Variants in DLG1 observed in about 807,000 individuals in gnomAD.
DLG1 encodes disks large homolog 1.
DLG1 carries 42 observed loss-of-function variants against 123.4 expected under a neutral mutation model. The observed-to-expected ratio is 0.34, with a 90% CI of 0.27 to 0.44. The LOEUF (loss-of-function observed/expected upper bound fraction) is 0.44, where lower values mean the gene tolerates loss of function less well. Among genes scored for constraint, DLG1 ranks in the 20% least tolerant of loss-of-function variants. The probability of loss-of-function intolerance (pLI) is 1.00; values close to 1 mark genes in which losing one functional copy is unlikely to be tolerated. For missense variants in DLG1, 942 were observed against 1,082.6 expected, an observed-to-expected ratio of 0.87 and a Z score of 1.82; for synonymous variants, 317 against 356.2, an observed-to-expected ratio of 0.89 and a Z score of 1.24.
intron 4 of DLG1, among the ~76,000 whole-genome samples, chr3:197,261,078 A>G (rs1166941502): frequency 6.6e-6 from 1 of 152,188 alleles, no homozygotes; most frequent in Non-Finnish European, 1.5e-5. Flanking sequence ...AACCACCACA[A>G]AAAGATAGTT....
chr3:197,130,435 T>C (rs1781919716), intron 11 of DLG1, 92 bp downstream of exon 11: 2 of 1,114,538 alleles, frequency 1.8e-6, no homozygotes, highest in African/African-American at 1.6e-5. Flanking sequence ...TTGCATAATG[T>C]TTAAACTTTA....
At chr3:197,221,876 A>C (rs1271455015) in intron 4 of DLG1, among the ~76,000 whole-genome samples, 1 of 152,218 alleles carries the variant, frequency 6.6e-6, no homozygotes, top group Non-Finnish European at 1.5e-5. Context: ...CCTCCCAAAG[A>C]GACCAAAATC....
At position 197,245,904 on chromosome 3, in the gene DLG1, G is replaced by C. The variant is rs902655297; in HGVS notation, c.318+36775C>G. On this transcript the variant is annotated intron_variant, in intron 4 of 24. Coordinates refer to ENST00000667157, the MANE Select transcript of DLG1 (RefSeq NM_001366207.1). Reference sequence around the variant, plus strand: ...TGGACAATACTTTTTTTTTTTTGGGGGGGGGGGAGGTGGCAAATGAAGGTT... The same window carrying C: ...TGGACAATACTTTTTTTTTTTTGGGCGGGGGGGAGGTGGCAAATGAAGGTT... Among the ~76,000 whole-genome samples the C allele has an allele frequency of 4.9e-5, 7 of 142,428 alleles. No individual in the cohort carries two copies. In the South Asian group the frequency reaches 7.4e-4, roughly 15 times the overall value. 93.4% of individuals were successfully genotyped at this position (142,428 alleles called of 152,430 possible). A position where few individuals can be genotyped will look rare whatever the true frequency, so the allele number is the denominator to read the frequency against.
At position 197,104,016 on chromosome 3, in the gene DLG1, C is replaced by T. The variant is rs7633593; in HGVS notation, c.1546+887G>A. On this transcript the variant is annotated intron_variant, in intron 14 of 24. Coordinates refer to ENST00000667157, the MANE Select transcript of DLG1 (RefSeq NM_001366207.1). Reference sequence around the variant, plus strand: ...ATTCTCCATCACCACCTTCTTCCCCCAGGAACTTAGTAAAGTCACATCCAC... The same window carrying T: ...ATTCTCCATCACCACCTTCTTCCCCTAGGAACTTAGTAAAGTCACATCCAC... Among the ~76,000 whole-genome samples the T allele has an allele frequency of 1.0e-3, 152 of 152,220 alleles. 2 individuals are homozygous for T. Among genetic ancestry groups the T allele is most frequent in the African/African-American group, 3.3e-3 (137 of 41,544 alleles).
chr3:197,203,596 T>C (rs1341095840), intron 4 of DLG1, among the ~76,000 whole-genome samples: 1 of 152,096 alleles, frequency 6.6e-6, no homozygotes, highest in Non-Finnish European at 1.5e-5. Context: ...TTGAGACAGG[T>C]TAAAAGTAGA....
At chr3:197,119,181 G>A (rs532787634) in intron 12 of DLG1, among the ~76,000 whole-genome samples, 1 of 152,158 alleles carries the variant, frequency 6.6e-6, no homozygotes, top group East Asian at 1.9e-4. Flanking sequence ...AAGCCTCAAA[G>A]AAAAGCAGTA....
intron 6 of DLG1, among the ~76,000 whole-genome samples, chr3:197,145,208 T>C (rs1355635803): frequency 2.0e-5 from 3 of 152,192 alleles, no homozygotes; most frequent in Non-Finnish European, 4.4e-5. Context: ...AAATTTTTAT[T>C]TGCAGCAATA....
intron 9 of DLG1, among the ~76,000 whole-genome samples, chr3:197,137,117 T>C (rs7612661): frequency 0.72 from 109,720 of 152,078 alleles, 39,723 homozygotes; most frequent in East Asian, 0.81. Context: ...CAATATTCTA[T>C]GAATTAACAA....
chr3:197,185,123 C>T (rs1238705406), intron 5 of DLG1, among the ~76,000 whole-genome samples: 1 of 152,222 alleles, frequency 6.6e-6, no homozygotes, highest in Non-Finnish European at 1.5e-5. Context: ...AAAAACGCTA[C>T]TTGATAATTT....
At chr3:197,298,026 GC>G (rs1408282301) in intron 1 of DLG1, 27 of 724,628 alleles carry the variant, frequency 3.7e-5, no homozygotes, top group Non-Finnish European at 4.2e-5. Context: ...CGGCCCCCCG[GC>G]CCGCTCGCCC....
intron 4 of DLG1, among the ~76,000 whole-genome samples, chr3:197,199,488 T>C (rs1309119892): frequency 6.6e-6 from 1 of 152,096 alleles, no homozygotes; most frequent in Non-Finnish European, 1.5e-5. Flanking sequence ...TTTCATCCCA[T>C]CCCAACATAT....
chr3:197,103,988 C>T (rs1579252878), intron 14 of DLG1, among the ~76,000 whole-genome samples: 1 of 152,004 alleles, frequency 6.6e-6, no homozygotes, highest in Non-Finnish European at 1.5e-5. Flanking sequence ...GGCATGACCT[C>T]AAATTCTCCA....
intron 16 of DLG1, 128 bp downstream of exon 16, chr3:197,085,452 G>T: frequency 6.6e-6 from 6 of 911,210 alleles, no homozygotes; most frequent in Admixed American, 4.5e-5. Context: ...TTGTCTTTCT[G>T]TGTCTGGCTT....
intron 11 of DLG1, among the ~76,000 whole-genome samples, chr3:197,128,521 C>T (rs1002975355): frequency 1.3e-5 from 2 of 152,200 alleles, no homozygotes; most frequent in African/African-American, 2.4e-5. Context: ...CCTGTTAATG[C>T]TGATATTGTG....
At chr3:197,183,604 A>G (rs1713904780) in intron 5 of DLG1, 1 of 1,550,364 alleles carries the variant, frequency 6.5e-7, no homozygotes, top group Admixed American at 2.0e-5. Flanking sequence ...ACCGAGATGC[A>G]GTCAATAAAG....
intron 13 of DLG1, among the ~76,000 whole-genome samples, chr3:197,105,927 A>C (rs548936228): frequency 1.1e-3 from 171 of 152,304 alleles, no homozygotes; most frequent in African/African-American, 3.2e-3. Context: ...ATTTTTACAC[A>C]AAAACTTGTT....
intron 6 of DLG1, among the ~76,000 whole-genome samples, chr3:197,147,574 GA>G (rs896592612): frequency 2.0e-5 from 3 of 152,060 alleles, no homozygotes; most frequent in African/African-American, 7.2e-5. Flanking sequence ...CTCAGGAATG[GA>G]AAACCAAACA....
intron 14 of DLG1, among the ~76,000 whole-genome samples, chr3:197,099,831 G>C (rs1181709994): frequency 6.6e-6 from 1 of 152,148 alleles, no homozygotes; most frequent in African/African-American, 2.4e-5. Flanking sequence ...TTGGCCTAAA[G>C]AAAAAGGGAA....
intron 1 of DLG1, chr3:197,297,994 C>T (rs1255477638): frequency 2.2e-6 from 2 of 912,548 alleles, no homozygotes; most frequent in East Asian, 1.2e-4. Flanking sequence ...CCTTCTCGGC[C>T]GCGCCGCCTC....
Sources: gnomAD v4.1 joint callset for allele counts (sites outside exome capture counted in the v4.1 genomes callset) on GRCh38, gnomAD v4.1.1 for gene constraint, MANE v1.5 for transcripts, NCBI Gene and HGNC (gene_info 2026-07-23, HGNC 2026-07-21) for gene names.